Variants in PSMA3 observed in about 807,000 individuals in gnomAD.
PSMA3 encodes the protein proteasome subunit alpha type-3.
PSMA3 carries 8 observed loss-of-function variants against 40.0 expected under a neutral mutation model. That is an observed-to-expected ratio of 0.20 (90% CI 0.12 to 0.36). The LOEUF is 0.36. Ranked by LOEUF, PSMA3 falls within the 10% of genes least tolerant of loss-of-function variation. PSMA3 has a pLI of 1.00. For missense variants in PSMA3, 219 were observed against 310.6 expected (o/e 0.70, Z 2.22); for synonymous variants, 110 against 100.0 (o/e 1.10, Z -0.59).
chr14:58,266,171 A>G (rs1255008571), intron 7 of PSMA3: 2 of 152,098 alleles, frequency 1.3e-5, no homozygotes, highest in African/African-American at 2.4e-5. Context: ...TGGTTTGTCT[A>G]TTTCCTAAAA....
intron 5 of PSMA3, chr14:58,258,357 G>A (rs577910591): frequency 5.1e-4 from 83 of 161,210 alleles, no homozygotes; most frequent in Admixed American, 4.0e-3. Flanking sequence ...AGGATCATTT[G>A]AGCCCAGGAG....
chr14:58,255,586 T>C (rs1890125104), intron 3 of PSMA3, among the ~76,000 whole-genome samples: 2 of 152,120 alleles, frequency 1.3e-5, no homozygotes. Context: ...CTGACCAACA[T>C]GGAGAAACCC....
chr14:58,255,552 T>C (rs959512206), intron 3 of PSMA3, among the ~76,000 whole-genome samples: 1 of 152,174 alleles, frequency 6.6e-6, no homozygotes, highest in Admixed American at 6.5e-5. Context: ...GCGGATCACC[T>C]GAGGTCGAAA....
intron 2 of PSMA3, among the ~76,000 whole-genome samples, chr14:58,251,317 ACT>A (rs1036810711): frequency 1.3e-5 from 2 of 152,170 alleles, no homozygotes; most frequent in African/African-American, 2.4e-5. Flanking sequence ...ACAGGGTCTC[ACT>A]CTGTTGCACA....
chr14:58,247,886 G>A, intron 2 of PSMA3, 54 bp downstream of exon 2: 1 of 1,246,718 alleles, frequency 8.0e-7, no homozygotes. Flanking sequence ...ATATATTTTT[G>A]GCGATTAGGC....
At position 58,271,851 on chromosome 14, in the gene PSMA3, G is replaced by C; in HGVS notation, c.724G>C (p.Glu242Gln). The change falls in exon 11 of 11, where the codon GAA becomes CAA. Residue 242 changes from glutamate to glutamine, a missense_variant and splice_region_variant. Physicochemically the swap from Glu to Gln is conservative, Grantham distance 29. Transcript: ENST00000216455. The stretch of plus-strand genomic sequence containing the variant: ...TTAAACACCTGTTTTCTCTTAACAG[G>C]AATCTCTGAAGGAAGAAGATGAATC... ...IREEAEKYAK[E>Q]SLKEEDESDD... 6.3e-7 allele frequency: 1 copy of C among 1,596,812 alleles called. No homozygotes were observed.
Position 58,257,832 on chromosome 14 carries a change from A to T in PSMA3, c.316A>T (p.Asn106Tyr). Residue 106 changes from asparagine (N) to tyrosine (Y), a missense_variant, in exon 4 of 11, where the codon AAC (asparagine) becomes TAC (tyrosine). Coordinates refer to ENST00000216455, the MANE Select transcript of PSMA3 (RefSeq NM_002788.4). ...ASNFRSNFGYNIPLKHLADRV... is the reference protein window; with the variant it reads ...ASNFRSNFGYYIPLKHLADRV... ...CAACTTCAGATCTAACTTTGGCTAC[A>T]ACATTCCACTAAAAGTAAGTTGATA... The T allele has an allele frequency of 6.2e-7, 1 of 1,613,566 alleles. No individual in the cohort carries two copies.
intron 3 of PSMA3, among the ~76,000 whole-genome samples, chr14:58,256,567 C>A (rs767933032): frequency 1.3e-5 from 2 of 151,938 alleles, no homozygotes; most frequent in Non-Finnish European, 2.9e-5. Context: ...GTGCCTGCAA[C>A]CACGCCTGGC....
intron 6 of PSMA3, among the ~76,000 whole-genome samples, chr14:58,261,934 T>A (rs547511181): frequency 6.6e-6 from 1 of 151,558 alleles, no homozygotes; most frequent in South Asian, 2.1e-4. Flanking sequence ...CCTTTTATTT[T>A]ATTTATTTAT....
intron 2 of PSMA3, among the ~76,000 whole-genome samples, chr14:58,251,147 T>G (rs1012088058): frequency 6.6e-6 from 1 of 152,192 alleles, no homozygotes; most frequent in African/African-American, 2.4e-5. Flanking sequence ...ACCAGAAAAC[T>G]GTACAATCAA....
At chr14:58,258,656 T>G (rs1890203107) in intron 5 of PSMA3, among the ~76,000 whole-genome samples, 1 of 151,960 alleles carries the variant, frequency 6.6e-6, no homozygotes, top group African/African-American at 2.4e-5. Context: ...TATTTTATTG[T>G]GGGGTAAAGT....
At chr14:58,257,313 T>C (rs903318262) in intron 3 of PSMA3, among the ~76,000 whole-genome samples, 76 of 151,662 alleles carry the variant, frequency 5.0e-4, no homozygotes, top group African/African-American at 1.8e-3. Context: ...CTGGCTGACA[T>C]GGTGAAACCC....
chr14:58,245,097 TC>T, intron 1 of PSMA3, 156 bp downstream of exon 1: 1 of 894,270 alleles, frequency 1.1e-6, no homozygotes, highest in South Asian at 1.4e-5. Context: ...GTCGTCTTTA[TC>T]CCCTATATGC....
chr14:58,271,255 CA>C (rs35375876), intron 10 of PSMA3, among the ~76,000 whole-genome samples: 31 of 138,484 alleles, frequency 2.2e-4, no homozygotes, highest in African/African-American at 4.6e-4. Context: ...GCCTTGGTTC[CA>C]AAAAAAAAAA....
chr14:58,257,656 A>T (rs1017101662), intron 3 of PSMA3, 89 bp from the exon 4 acceptor site: 7 of 1,202,196 alleles, frequency 5.8e-6, no homozygotes, highest in Non-Finnish European at 6.0e-6. Context: ...AATACTTGTT[A>T]AAAAAATGTT....
At chr14:58,258,729 A>C (rs928971045) in intron 5 of PSMA3, among the ~76,000 whole-genome samples, 2 of 151,498 alleles carry the variant, frequency 1.3e-5, no homozygotes, top group Admixed American at 6.6e-5. Flanking sequence ...TTCACAGAGA[A>C]GACTTGTGAC....
intron 3 of PSMA3, among the ~76,000 whole-genome samples, chr14:58,254,623 A>G (rs1890103164): frequency 6.6e-6 from 1 of 151,892 alleles, no homozygotes; most frequent in African/African-American, 2.4e-5. Context: ...GGCATGAGCC[A>G]ATGTGCCCTG....
intron 1 of PSMA3, among the ~76,000 whole-genome samples, chr14:58,246,149 G>C (rs1242291410): frequency 6.6e-6 from 1 of 152,126 alleles, no homozygotes; most frequent in Non-Finnish European, 1.5e-5. Context: ...CTTTTCTTCT[G>C]TCTTCATTTC....
intron 7 of PSMA3, among the ~76,000 whole-genome samples, chr14:58,263,983 T>A (rs1890359991): frequency 6.6e-6 from 1 of 152,210 alleles, no homozygotes; most frequent in Admixed American, 6.5e-5. Context: ...TGGCCCCATG[T>A]GGCCTGTGGC....
Sources: allele counts gnomAD v4.1 joint callset (sites outside exome capture counted in the v4.1 genomes callset), GRCh38; gene constraint gnomAD v4.1.1; transcripts MANE v1.5; gene names NCBI Gene and HGNC (gene_info 2026-07-23, HGNC 2026-07-21).